The following EBF3 variants were observed in gnomAD, a reference collection of about 807,000 sequenced individuals.
The protein encoded by EBF3 is EBF transcription factor 3.
EBF3 carries 18 observed loss-of-function variants against 77.1 expected under a neutral mutation model. The ratio of observed to expected loss-of-function variants is 0.23; its 90% CI spans 0.16 to 0.35. The LOEUF (loss-of-function observed/expected upper bound fraction) is 0.35. EBF3 is among the 10% of genes least tolerant of loss of function. The pLI, the probability that EBF3 is intolerant of heterozygous loss-of-function variation, is 1.00. For synonymous variants in EBF3, 350 were observed against 343.5 expected, an observed-to-expected ratio of 1.02 and a Z score of -0.21; for missense variants, 558 against 860.0, an observed-to-expected ratio of 0.65 and a Z score of 4.39.
Position 129,840,426 on chromosome 10 carries a change from G to A in EBF3, c.1578C>T (p.Pro526=). 6.4e-7 allele frequency: 1 copy of A among 1,551,394 alleles called. No individual in the cohort carries two copies. The highest frequency in any genetic ancestry group is 8.7e-7 in the Non-Finnish European group (1 of 1,146,992). The change falls in exon 15 of 17, where the codon CCC becomes CCT. Residue 526 remains proline (P), a synonymous_variant. Coordinates refer to ENST00000440978, the MANE Select transcript of EBF3 (RefSeq NM_001375380.1). ...GGGTGACCGAAGAGGCTGCCATGGT[G>A]GGGCTGGACGGCACTACTGCAACAA... ...NSPYGIVPSS[P]TMAASSVTLP...
chr10:129,837,463 C>A lies in EBF3; in HGVS notation c.*480G>T, dbSNP rs1231820775. On this transcript the variant is annotated 3_prime_UTR_variant, in exon 17 of 17. Coordinates refer to ENST00000440978, the MANE Select transcript of EBF3 (RefSeq NM_001375380.1). The stretch of plus-strand genomic sequence containing the variant: ...CTCCTTGGCCCTCTTTTTATCACCA[C>A]AAAAAAATATTTCACATTATAGAGA... 6.4e-6 allele frequency: 1 copy of A among 156,826 alleles called. No individual in the cohort carries two copies. 9.7% of individuals were successfully genotyped at this position (156,826 alleles called of 1,614,324 possible). A position where few individuals can be genotyped will look rare whatever the true frequency, so the allele number is the denominator to read the frequency against.
intron 6 of EBF3, among the ~76,000 whole-genome samples, chr10:129,910,399 T>C (rs1232173566): frequency 1.3e-5 from 2 of 152,300 alleles, no homozygotes; most frequent in African/African-American, 4.8e-5. Context: ...GCTATGTGTA[T>C]GCACACACAC....
chr10:129,924,577 T>A (rs578213781), intron 6 of EBF3, among the ~76,000 whole-genome samples: 125 of 152,238 alleles, frequency 8.2e-4, no homozygotes, highest in Non-Finnish European at 1.5e-3. Flanking sequence ...CTGAAATAAT[T>A]AAAAATAGAA....
At position 129,963,902 on chromosome 10, in the gene EBF3, G is replaced by A; in HGVS notation, c.-134C>T. On this transcript the variant is annotated 5_prime_UTR_variant, in exon 1 of 17. Coordinates refer to ENST00000440978, the MANE Select transcript of EBF3 (RefSeq NM_001375380.1). This position sits in a 1 kb window ranked among gnomAD's most constrained non-coding sequence, Gnocchi z 7.1. Reference sequence around the variant, plus strand: ...CGCCTGCGGTCCGGCCCCGCCGCCGGCTTCAGCCCGTCCCGGGCAGGCGCG... The same window carrying A: ...CGCCTGCGGTCCGGCCCCGCCGCCGACTTCAGCCCGTCCCGGGCAGGCGCG... The A allele has an allele frequency of 8.8e-7, 1 of 1,141,420 alleles. No homozygotes were observed. The highest frequency in any genetic ancestry group is 1.1e-6 in the Non-Finnish European group (1 of 933,122). The allele number at this position is 1,141,420 out of a possible 1,614,324, so 70.7% of individuals were successfully genotyped here. A position where few individuals can be genotyped will look rare whatever the true frequency, so the allele number is the denominator to read the frequency against.
intron 14 of EBF3, 80 bp from the exon 15 acceptor site, chr10:129,840,522 G>T (rs1849954256): frequency 6.8e-7 from 1 of 1,465,222 alleles, no homozygotes; most frequent in South Asian, 1.3e-5. Context: ...CCTCGCCTCG[G>T]ACGGGGGGGC....
Position 129,943,194 on chromosome 10 carries a change from G to A in EBF3, c.554+14064C>T, listed in dbSNP as rs1307697676. On this transcript the variant is annotated intron_variant, in intron 6 of 16. Transcript: ENST00000440978. This position sits in a 1 kb window ranked among gnomAD's most constrained non-coding sequence, Gnocchi z 8.8. ...AGCTGCCAGGCAGCTCTTCATTGGG[G>A]CCAGGCCTGACCCGGCCTTCCCAGT... Among the ~76,000 whole-genome samples the A allele has an allele frequency of 1.3e-5, 2 of 152,212 alleles. No homozygotes were observed.
intron 10 of EBF3, among the ~76,000 whole-genome samples, chr10:129,855,208 G>A (rs767760861): frequency 6.6e-6 from 1 of 152,146 alleles, no homozygotes; most frequent in Non-Finnish European, 1.5e-5. Context: ...CCTTCGTATC[G>A]GGAATATTGT....
chr10:129,839,235 G>A (rs1849830379), intron 15 of EBF3, 40 bp from the exon 16 acceptor site: 3 of 960,640 alleles, frequency 3.1e-6, no homozygotes, highest in Middle Eastern at 2.5e-4. Context: ...TGGTTGAATG[G>A]GTTCATGTTT....
chr10:129,914,877 C>G (rs1855769758), intron 6 of EBF3, among the ~76,000 whole-genome samples: 1 of 152,168 alleles, frequency 6.6e-6, no homozygotes, highest in Non-Finnish European at 1.5e-5. Context: ...TCAGGGTCCC[C>G]TAGGGCATCA....
chr10:129,866,359 G>A (rs989490375), intron 10 of EBF3, among the ~76,000 whole-genome samples: 3 of 152,156 alleles, frequency 2.0e-5, no homozygotes, highest in Non-Finnish European at 2.9e-5. Flanking sequence ...GCACTCAAGT[G>A]ATTCTCCTGC....
chr10:129,840,847 C>T lies in EBF3; in HGVS notation c.1558G>A (p.Gly520Ser), dbSNP rs772487054. The T allele has an allele frequency of 5.6e-5, 91 of 1,612,660 alleles. No homozygotes were observed. Among genetic ancestry groups the T allele is most frequent in the Non-Finnish European group, 6.9e-5 (81 of 1,179,266 alleles). The change falls in exon 14 of 17, where the codon GGC (glycine) becomes AGC (serine). Residue 520 changes from glycine (G) to serine (S), a missense_variant. By Grantham distance (56) the Gly-to-Ser change is moderately conservative (BLOSUM62 0). This residue lies in a region of EBF3 where 284 missense variants were observed against 368.3 expected (regional missense o/e 0.77). Coordinates refer to ENST00000440978, the MANE Select transcript of EBF3 (RefSeq NM_001375380.1). ...LNGSSANSPY[G>S]IVPSSPTMAA... Reference sequence around the variant, plus strand: ...TGTGACAAAAACAGACACTTACTGCCGTAGGGAGAGTTAGCGGAGGAGCCA... The same window carrying T: ...TGTGACAAAAACAGACACTTACTGCTGTAGGGAGAGTTAGCGGAGGAGCCA...
At chr10:129,912,673 T>C (rs1208269707) in intron 6 of EBF3, among the ~76,000 whole-genome samples, 1 of 152,240 alleles carries the variant, frequency 6.6e-6, no homozygotes, top group African/African-American at 2.4e-5. Flanking sequence ...ACTCCGTTTA[T>C]GAATTATCTG....
chr10:129,867,386 C>T (rs1852099295), intron 9 of EBF3, 119 bp from the exon 10 acceptor site: 8 of 1,463,108 alleles, frequency 5.5e-6, no homozygotes, highest in African/African-American at 1.4e-5. Flanking sequence ...TGGAATGCCC[C>T]CTCCTAGCTG....
chr10:129,898,834 C>T (rs974350736), intron 6 of EBF3, among the ~76,000 whole-genome samples: 1 of 152,226 alleles, frequency 6.6e-6, no homozygotes, highest in Non-Finnish European at 1.5e-5. Flanking sequence ...CCCCTCCTCC[C>T]GCGCCCAGGC....
intron 10 of EBF3, among the ~76,000 whole-genome samples, chr10:129,855,536 TG>T (rs1189521454): frequency 6.6e-6 from 1 of 152,192 alleles, no homozygotes; most frequent in African/African-American, 2.4e-5. Flanking sequence ...CTTTCGCCTC[TG>T]GGGACGGGAC....
In EBF3 at chr10:129,848,186, G is replaced by T. The variant is rs903092079; in HGVS notation, c.1128+206C>A. Reference sequence around the variant, plus strand: ...GGAGATGAGATGTAAAACTCGAGCCGTCTACGCCTTCTCTCACCCTTCGCC... The same window carrying T: ...GGAGATGAGATGTAAAACTCGAGCCTTCTACGCCTTCTCTCACCCTTCGCC... On this transcript the variant is annotated intron_variant, in intron 11 of 16. Transcript: ENST00000440978. The surrounding 1 kb of genome is among the most constrained non-coding windows in gnomAD (Gnocchi z 4.4). Among the ~76,000 whole-genome samples, 1 of 152,182 alleles carries T rather than the reference G, an allele frequency of 6.6e-6. No homozygotes were observed. Among genetic ancestry groups the T allele is most frequent in the Non-Finnish European group, 1.5e-5 (1 of 68,042 alleles).
chr10:129,911,995 A>G (rs1028731628), intron 6 of EBF3, among the ~76,000 whole-genome samples: 20 of 152,168 alleles, frequency 1.3e-4, no homozygotes, highest in African/African-American at 3.4e-4. Context: ...AGATGTGCAC[A>G]CAAACTCAAC....
At position 129,837,747 on chromosome 10, in the gene EBF3, CTGTT is replaced by C; in HGVS notation, c.*192_*195del. The C allele has an allele frequency of 1.6e-6, 1 of 634,168 alleles. No homozygotes were observed. Among genetic ancestry groups the C allele is most frequent in the Non-Finnish European group, 2.7e-6 (1 of 366,556 alleles). 39.3% of individuals were successfully genotyped at this position (634,168 alleles called of 1,614,324 possible). The stretch of plus-strand genomic sequence containing the variant: ...ATGGAATTGTTCATGAAGAAGTAGG[CTGTT>C]TGCATGTTGATTCTTAATAGTTTAA... On this transcript the variant is annotated 3_prime_UTR_variant, in exon 17 of 17. Coordinates refer to ENST00000440978, the MANE Select transcript of EBF3 (RefSeq NM_001375380.1).
chr10:129,963,434 T>G lies in EBF3; in HGVS notation c.224A>C (p.Tyr75Ser). Residue 75 changes from tyrosine (Y) to serine (S), a missense_variant, in exon 2 of 17, where the codon TAC becomes TCC. Physicochemically the swap from Tyr to Ser is moderately radical, Grantham distance 144. Transcript: ENST00000440978. The surrounding 1 kb of genome is among the most constrained non-coding windows in gnomAD (Gnocchi z 7.1). ...SNFFHFVLAL[Y>S]DRQGQPVEIE... is the part of the protein sequence containing the mutation. The stretch of plus-strand genomic sequence containing the variant: ...CTCCACCGGCTGCCCCTGCCTATCG[T>G]AGAGCGCCAGCACGAAGTGGAAGAA... The G allele has an allele frequency of 6.3e-7, 1 of 1,591,982 alleles. No individual in the cohort carries two copies.
Sources: gnomAD v4.1 joint callset for allele counts (sites outside exome capture counted in the v4.1 genomes callset) on GRCh38, gnomAD v4.1.1 for gene constraint, gnomAD v4.1.1 regional missense constraint, Gnocchi (gnomAD v3.1) non-coding constraint, MANE v1.5 for transcripts, NCBI Gene and HGNC (gene_info 2026-07-23, HGNC 2026-07-21) for gene names.